RBFOX1: variants seen among roughly 807,000 people sequenced by gnomAD.
RBFOX1 encodes the protein RNA binding fox-1 homolog 1.
RBFOX1 carries 8 observed loss-of-function variants against 57.7 expected under a neutral mutation model. That is an observed-to-expected ratio of 0.14 (90% CI 0.08 to 0.25). The LOEUF is 0.25. Among genes scored for constraint, RBFOX1 ranks in the 10% least tolerant of loss-of-function variants. The pLI is 1.00. For missense variants in RBFOX1, 611 were observed against 548.5 expected, an observed-to-expected ratio of 1.11 and a Z score of -1.14; for synonymous variants, 326 against 222.4, an observed-to-expected ratio of 1.47 and a Z score of -4.15.
At chr16:6,618,711 T>A (rs2098179578) in intron 2 of RBFOX1, among the ~76,000 whole-genome samples, 1 of 152,158 alleles carries the variant, frequency 6.6e-6, no homozygotes, top group African/African-American at 2.4e-5. Context: ...AGGGAAAGCA[T>A]TTCAAAAGCC....
intron 1 of RBFOX1, among the ~76,000 whole-genome samples, chr16:6,226,435 C>T (rs997750144): frequency 1.3e-5 from 2 of 150,698 alleles, no homozygotes; most frequent in African/African-American, 4.9e-5. Flanking sequence ...TGAAGTAAGC[C>T]TGTCTATGTC....
intron 2 of RBFOX1, among the ~76,000 whole-genome samples, chr16:6,324,018 C>T (rs909809967): frequency 2.0e-5 from 3 of 152,214 alleles, no homozygotes; most frequent in Non-Finnish European, 4.4e-5. Context: ...AGTGGTCTGC[C>T]CGCCTCAGCC....
intron 4 of RBFOX1, among the ~76,000 whole-genome samples, chr16:7,218,228 T>G (rs2152832301): frequency 6.6e-6 from 1 of 152,328 alleles, no homozygotes; most frequent in Admixed American, 6.5e-5. Flanking sequence ...TTTCCTTCAT[T>G]AATTTGGCCA....
chr16:5,620,145 G>C (rs1348215165), intron 3 of RBFOX1, among the ~76,000 whole-genome samples: 1 of 152,070 alleles, frequency 6.6e-6, no homozygotes, highest in Non-Finnish European at 1.5e-5. Context: ...TTCTGAGTAG[G>C]CTGCTGGAAC....
At chr16:6,412,825 C>G (rs1244519482) in intron 2 of RBFOX1, among the ~76,000 whole-genome samples, 2 of 152,220 alleles carry the variant, frequency 1.3e-5, no homozygotes, top group Non-Finnish European at 2.9e-5. Flanking sequence ...GCTTACACAT[C>G]AGTCTTTCTG....
At chr16:7,626,742 T>C (rs2060130838) in intron 10 of RBFOX1, among the ~76,000 whole-genome samples, 2 of 152,204 alleles carry the variant, frequency 1.3e-5, no homozygotes, top group South Asian at 4.1e-4. Flanking sequence ...GCAAATTTCC[T>C]GCCATGAACA....
intron 12 of RBFOX1, among the ~76,000 whole-genome samples, chr16:7,663,504 CGTGT>C (rs57358282): frequency 0.012 from 1,829 of 148,918 alleles, 18 homozygotes; most frequent in Non-Finnish European, 0.018. Context: ...GTCAGTACAG[CGTGT>C]GTGTGTGTGT....
chr16:5,371,832 A>G (rs903234932), intron 1 of RBFOX1, among the ~76,000 whole-genome samples: 17 of 152,182 alleles, frequency 1.1e-4, no homozygotes, highest in African/African-American at 4.1e-4. Flanking sequence ...TGAGGGAGAA[A>G]TAAACTTCTC....
At chr16:7,056,818 C>G (rs1406126832) in intron 4 of RBFOX1, among the ~76,000 whole-genome samples, 2 of 152,098 alleles carry the variant, frequency 1.3e-5, no homozygotes, top group East Asian at 1.9e-4. Flanking sequence ...TCTGTGGATT[C>G]AAATACTGAT....
At chr16:6,570,949 A>C (rs143463606) in intron 2 of RBFOX1, among the ~76,000 whole-genome samples, 1 of 152,220 alleles carries the variant, frequency 6.6e-6, no homozygotes, top group African/African-American at 2.4e-5. Flanking sequence ...CTCATTAATC[A>C]GAGGCTCTGG....
intron 1 of RBFOX1, among the ~76,000 whole-genome samples, chr16:5,298,380 G>T (rs1466639902): frequency 1.3e-5 from 2 of 151,658 alleles, no homozygotes; most frequent in East Asian, 1.9e-4. Flanking sequence ...ATAAGTCTAA[G>T]AATGATGGCG....
intron 3 of RBFOX1, among the ~76,000 whole-genome samples, chr16:5,665,735 C>T (rs935256691): frequency 1.3e-5 from 2 of 152,194 alleles, no homozygotes; most frequent in African/African-American, 4.8e-5. Context: ...AGCACAGATC[C>T]TGGAAAACTC....
chr16:6,945,972 A>C (rs1402128541), intron 3 of RBFOX1, among the ~76,000 whole-genome samples: 2 of 152,114 alleles, frequency 1.3e-5, no homozygotes, highest in Non-Finnish European at 2.9e-5. Context: ...CTCAATTTCC[A>C]CAAGTGTCTT....
At chr16:7,546,765 G>C (rs964049450) in intron 5 of RBFOX1, among the ~76,000 whole-genome samples, 1 of 152,052 alleles carries the variant, frequency 6.6e-6, no homozygotes, top group Non-Finnish European at 1.5e-5. Context: ...ATTTGGATTG[G>C]ACATAGTTTA....
At chr16:7,697,226 G>C (rs924815461) in intron 14 of RBFOX1, among the ~76,000 whole-genome samples, 3 of 152,052 alleles carry the variant, frequency 2.0e-5, no homozygotes, top group African/African-American at 7.2e-5. Context: ...GGTGGCTGTG[G>C]GTGAGAAGTG....
intron 3 of RBFOX1, among the ~76,000 whole-genome samples, chr16:6,991,615 C>T (rs2091466752): frequency 6.6e-6 from 1 of 152,140 alleles, no homozygotes; most frequent in African/African-American, 2.4e-5. Context: ...CAGCTCACTG[C>T]AACTTCCACC....
intron 2 of RBFOX1, among the ~76,000 whole-genome samples, chr16:6,573,275 T>A (rs1348039534): frequency 2.0e-5 from 3 of 152,102 alleles, no homozygotes; most frequent in Admixed American, 6.5e-5. Context: ...CAAACACGCC[T>A]CACCGAAGTC....
At chr16:7,456,755 C>G (rs539852600) in intron 4 of RBFOX1, among the ~76,000 whole-genome samples, 1 of 152,290 alleles carries the variant, frequency 6.6e-6, no homozygotes, top group African/African-American at 2.4e-5. Context: ...TCTGTGCAAG[C>G]AGGCCTGCAG....
At chr16:7,486,539 A>G (rs969512865) in intron 4 of RBFOX1, among the ~76,000 whole-genome samples, 1 of 152,158 alleles carries the variant, frequency 6.6e-6, no homozygotes, top group African/African-American at 2.4e-5. Context: ...TAACTTGGGC[A>G]TAATAACAGC....
Sources: allele counts gnomAD v4.1 joint callset (sites outside exome capture counted in the v4.1 genomes callset), GRCh38; gene constraint gnomAD v4.1.1; transcripts MANE v1.5; gene names NCBI Gene and HGNC (gene_info 2026-07-23, HGNC 2026-07-21).